The following KALRN variants were observed in gnomAD, a reference collection of about 807,000 sequenced individuals.
The protein encoded by KALRN is kalirin.
Under a neutral mutation model 353.7 loss-of-function variants are expected in KALRN, and 70 were observed. The observed-to-expected ratio is 0.20, with a 90% CI of 0.16 to 0.24. The LOEUF is 0.24. Ranked by LOEUF, KALRN falls within the 10% of genes least tolerant of loss-of-function variation. The pLI is 1.00. For synonymous variants in KALRN, 1,391 were observed against 1,434.8 expected (o/e 0.97, Z 0.69); for missense variants, 2,791 against 3,756.7 (o/e 0.74, Z 6.72).
chr3:124,662,374 T>A (rs2085001541), intron 45 of KALRN, among the ~76,000 whole-genome samples: 3 of 151,878 alleles, frequency 2.0e-5, no homozygotes, highest in Admixed American at 6.6e-5. Flanking sequence ...GGCTTATTTT[T>A]AAATATTTTT....
At chr3:124,191,645 T>C (rs1406220012) in intron 1 of KALRN, among the ~76,000 whole-genome samples, 1 of 152,216 alleles carries the variant, frequency 6.6e-6, no homozygotes, top group African/African-American at 2.4e-5. Flanking sequence ...TTGGGCTGGC[T>C]ATTTTTCTTT....
rs187505614 is a variant in KALRN, at chr3:124,360,429, G to A, written c.1770+13164G>A. 3.7e-4 allele frequency among the ~76,000 whole-genome samples: 56 copies of A among 152,342 alleles called. No individual in the cohort carries two copies. The Middle Eastern group carries it at 0.01, about 28-fold the overall frequency. Reference sequence around the variant, plus strand: ...GAAGTAGAGAGACACTATGAGACAAGTGAGAACAGACTCTCCCTTCTAAAG... The same window carrying A: ...GAAGTAGAGAGACACTATGAGACAAATGAGAACAGACTCTCCCTTCTAAAG... On this transcript the variant is annotated intron_variant, in intron 10 of 59. Transcript: ENST00000682506.
intron 34 of KALRN, among the ~76,000 whole-genome samples, chr3:124,629,689 A>C (rs2080518516): frequency 6.6e-6 from 1 of 151,914 alleles, no homozygotes; most frequent in Non-Finnish European, 1.5e-5. Flanking sequence ...CCTCCTCTGA[A>C]CTCTGCTTAC....
At chr3:124,222,937 G>C (rs2078078365) in intron 1 of KALRN, among the ~76,000 whole-genome samples, 1 of 151,996 alleles carries the variant, frequency 6.6e-6, no homozygotes, top group South Asian at 2.1e-4. Flanking sequence ...TGTAGGCTCT[G>C]ACTCTGTAAG....
chr3:124,509,483 C>T (rs2065630724), intron 33 of KALRN, among the ~76,000 whole-genome samples: 1 of 152,220 alleles, frequency 6.6e-6, no homozygotes, highest in South Asian at 2.1e-4. Flanking sequence ...GCTGGGATTA[C>T]AGGCATGAGC....
intron 25 of KALRN, among the ~76,000 whole-genome samples, chr3:124,467,193 G>T (rs2060424554): frequency 6.6e-6 from 1 of 152,226 alleles, no homozygotes; most frequent in East Asian, 1.9e-4. Context: ...GCCAGGGTCA[G>T]CCAGGAGCAG....
chr3:124,223,065 T>A (rs911715516), intron 1 of KALRN, among the ~76,000 whole-genome samples: 5 of 151,626 alleles, frequency 3.3e-5, no homozygotes, highest in Admixed American at 6.6e-5. Context: ...TTTTTTTTTT[T>A]AGTCTCCTTG....
chr3:124,175,079 T>C (rs188320576), intron 1 of KALRN, among the ~76,000 whole-genome samples: 43 of 152,062 alleles, frequency 2.8e-4, no homozygotes, highest in Admixed American at 1.5e-3. Flanking sequence ...GAGGATGAGG[T>C]GATTTGTAGG....
At chr3:124,177,268 C>T (rs888089942) in intron 1 of KALRN, among the ~76,000 whole-genome samples, 17 of 152,222 alleles carry the variant, frequency 1.1e-4, no homozygotes, top group African/African-American at 2.9e-4. Flanking sequence ...CTCAAACACT[C>T]CGGGCAAGAC....
In KALRN at chr3:124,550,510, G is replaced by T. The variant is rs183078111; in HGVS notation, c.4936-12333G>T. Among the ~76,000 whole-genome samples the T allele has an allele frequency of 7.2e-5, 11 of 152,188 alleles. No homozygotes were observed. The East Asian group carries it at 1.5e-3, about 21-fold the overall frequency. On this transcript the variant is annotated intron_variant, in intron 33 of 59. Coordinates refer to ENST00000682506, the MANE Select transcript of KALRN (RefSeq NM_001388419.1). The stretch of plus-strand genomic sequence containing the variant: ...ATTTTTTTTGTCTTATATTTCCTCT[G>T]AGGGCTGGTGGTTGCCCTAGCCAGT...
intron 18 of KALRN, 43 bp downstream of exon 18, chr3:124,439,080 G>A: frequency 6.3e-7 from 1 of 1,590,670 alleles, no homozygotes; most frequent in East Asian, 2.3e-5. Flanking sequence ...TCCTGGCCTT[G>A]GCCGCCTTGT....
intron 32 of KALRN, among the ~76,000 whole-genome samples, chr3:124,495,190 A>C (rs1449383547): frequency 1.3e-5 from 2 of 152,188 alleles, no homozygotes; most frequent in Non-Finnish European, 2.9e-5. Context: ...ACAGAAGCAC[A>C]GCTGGCTCCA....
chr3:124,401,829 T>C (rs1267737231), intron 13 of KALRN, among the ~76,000 whole-genome samples: 1 of 152,194 alleles, frequency 6.6e-6, no homozygotes, highest in Non-Finnish European at 1.5e-5. Flanking sequence ...CAAGTCAGAT[T>C]GTCAGAAGTT....
At chr3:124,595,874 A>C (rs1237101907) in intron 34 of KALRN, among the ~76,000 whole-genome samples, 1 of 152,206 alleles carries the variant, frequency 6.6e-6, no homozygotes, top group African/African-American at 2.4e-5. Context: ...TTTAATTCAT[A>C]GGATATAGAC....
rs1290371356 is a variant in KALRN at position 124,083,116 on chromosome 3, C to CTAGGGTGTG, written c.73+49304_73+49312dup. On this transcript the variant is annotated intron_variant, in intron 1 of 59. Transcript: ENST00000682506. ...TCCTTCATGTATTTCCAGGTATAGT[C>CTAGGGTGTG]TAGGGTGTGACATCTTGTAGGCACT... Among the ~76,000 whole-genome samples, 7 of 152,308 alleles carry CTAGGGTGTG rather than the reference C, an allele frequency of 4.6e-5. No individual in the cohort carries two copies. In the South Asian group the frequency reaches 1.2e-3, roughly 27 times the overall value.
chr3:124,298,064 G>C (rs1243395631), intron 5 of KALRN, among the ~76,000 whole-genome samples: 1 of 152,170 alleles, frequency 6.6e-6, no homozygotes, highest in East Asian at 1.9e-4. Flanking sequence ...GCACTGTTTG[G>C]CTTAGGTCTG....
rs539267814 is a variant in KALRN at position 124,517,946 on chromosome 3, A to G, written c.4935+21533A>G. Among the ~76,000 whole-genome samples, 42 of 152,358 alleles carry G rather than the reference A, an allele frequency of 2.8e-4. No homozygotes were observed. The South Asian group carries it at 7.0e-3, about 26-fold the overall frequency. Reference sequence around the variant, plus strand: ...GCTTAAACAAGAAAACAAATAAAGGATATGAAATAAACACTAATGATCACT... The same window carrying G: ...GCTTAAACAAGAAAACAAATAAAGGGTATGAAATAAACACTAATGATCACT... On this transcript the variant is annotated intron_variant, in intron 33 of 59. Transcript: ENST00000682506.
At chr3:124,123,509 A>G (rs1470010565) in intron 1 of KALRN, among the ~76,000 whole-genome samples, 1 of 152,234 alleles carries the variant, frequency 6.6e-6, no homozygotes, top group African/African-American at 2.4e-5. Flanking sequence ...AGGTTGGTTC[A>G]TGAGACTGAG....
intron 37 of KALRN, among the ~76,000 whole-genome samples, chr3:124,649,309 T>C (rs995890775): frequency 2.0e-5 from 3 of 152,222 alleles, no homozygotes; most frequent in Admixed American, 2.0e-4. Context: ...ATCATGACAA[T>C]ACTCCAAGTG....
Sources: gnomAD v4.1 joint callset for allele counts (sites outside exome capture counted in the v4.1 genomes callset) on GRCh38, gnomAD v4.1.1 for gene constraint, MANE v1.5 for transcripts, NCBI Gene and HGNC (gene_info 2026-07-23, HGNC 2026-07-21) for gene names.